The following A2ML1 variants were observed in gnomAD, a reference collection of about 807,000 sequenced individuals.
A2ML1 encodes the protein alpha-2-macroglobulin-like protein 1.
A neutral mutation model predicts 181.9 loss-of-function variants in A2ML1; 161 were observed. The ratio of observed to expected loss-of-function variants is 0.89; its 90% CI spans 0.78 to 1.01. A2ML1 has a LOEUF of 1.01. A2ML1 is among the 50% of genes least tolerant of loss of function. The pLI is 0.00. For missense variants in A2ML1, 1,670 were observed against 1,768.1 expected, an observed-to-expected ratio of 0.94 and a Z score of 1.00; for synonymous variants, 663 against 666.8, an observed-to-expected ratio of 0.99 and a Z score of 0.09.
chr12:8,861,140 A>C lies in A2ML1; in HGVS notation c.3345A>C (p.Pro1115=). ...LLEMGKDVDD[P]MVSQGLRCLK... ...TCTTCATCTTCACTTTTTAGGACCC[A>C]ATGGTGAGTCAGGGTCTACGGTGTC... The change falls in exon 28 of 36, where the codon CCA becomes CCC. Residue 1115 remains proline (P), a synonymous_variant. Coordinates refer to ENST00000299698, the MANE Select transcript of A2ML1 (RefSeq NM_144670.6). 1 of 1,614,188 alleles carries C rather than the reference A, an allele frequency of 6.2e-7. No individual in the cohort carries two copies.
At chr12:8,823,117 A>G (rs1942797903) in intron 1 of A2ML1, 65 bp from the exon 2 acceptor site, 2 of 1,503,620 alleles carry the variant, frequency 1.3e-6, no homozygotes, top group African/African-American at 1.4e-5. Flanking sequence ...AGCGCTTAGG[A>G]GAGTGCTGGA....
intron 7 of A2ML1, among the ~76,000 whole-genome samples, chr12:8,885,752 C>A (rs910505215): frequency 6.6e-6 from 1 of 152,190 alleles, no homozygotes; most frequent in Non-Finnish European, 1.5e-5. Context: ...GCGTGAGCCA[C>A]TGCACCCAGC....
Position 8,855,632 on chromosome 12 carries a change from G to T in A2ML1, c.2848+40G>T, listed in dbSNP as rs79250113. 1.8e-3 allele frequency: 2,924 copies of T among 1,601,702 alleles called. 49 individuals are homozygous for T. The African/African-American group carries it at 0.034, about 18-fold the overall frequency. On this transcript the variant is annotated intron_variant, in intron 23 of 35. Coordinates refer to ENST00000299698, the MANE Select transcript of A2ML1 (RefSeq NM_144670.6). ...ATTCTTGACTCAGAAAGGAAAAGGCGAATGGAGGCTGCAAAGGTGTGGAGT... is the reference window on the plus strand; with the variant it reads ...ATTCTTGACTCAGAAAGGAAAAGGCTAATGGAGGCTGCAAAGGTGTGGAGT...
chr12:8,859,148 G>C (rs1209530690), intron 26 of A2ML1, among the ~76,000 whole-genome samples: 1 of 151,804 alleles, frequency 6.6e-6, no homozygotes, highest in African/African-American at 2.4e-5. Context: ...GTCTGTACCT[G>C]TCCCAAGCAG....
At chr12:8,845,078 A>T in intron 12 of A2ML1, 1 of 1,438,152 alleles carries the variant, frequency 7.0e-7, no homozygotes, top group Non-Finnish European at 9.1e-7. Flanking sequence ...TAATTAAAAA[A>T]CACTTATGAG....
rs1486293580 is a variant in A2ML1, at chr12:8,876,289, G to C, written c.*233G>C. 1 of 152,296 alleles carries C rather than the reference G, an allele frequency of 6.6e-6. No homozygotes were observed. Among genetic ancestry groups the C allele is most frequent in the African/African-American group, 2.4e-5 (1 of 41,448 alleles). 9.4% of individuals were successfully genotyped at this position (152,296 alleles called of 1,614,324 possible). A position where few individuals can be genotyped will look rare whatever the true frequency, so the allele number is the denominator to read the frequency against. On this transcript the variant is annotated 3_prime_UTR_variant, in exon 36 of 36. Transcript: ENST00000299698. ...GGCGTTGCATGGGCAGGGTCATAGG[G>C]GGAAGAAAGGTGGTTTAGCTGTTTT...
rs35410077 is a variant in A2ML1, at chr12:8,872,187, G to GA, written c.4222-2223dup. On this transcript the variant is annotated intron_variant, in intron 33 of 35. Coordinates refer to ENST00000299698, the MANE Select transcript of A2ML1 (RefSeq NM_144670.6). ...GTGCAAGACTCCATCTCAGAAAAAAGAAAAAAAAAAAAAAACTGCTACCCC... is the reference window on the plus strand; with the variant it reads ...GTGCAAGACTCCATCTCAGAAAAAAGAAAAAAAAAAAAAAAACTGCTACCCC... Among the ~76,000 whole-genome samples, 751 of 128,462 alleles carry GA rather than the reference G, an allele frequency of 5.8e-3. 3 individuals carry two copies. Among genetic ancestry groups the GA allele is most frequent in the African/African-American group, 0.014 (484 of 35,212 alleles). 84.3% of individuals were successfully genotyped at this position (128,462 alleles called of 152,430 possible). A position where few individuals can be genotyped will look rare whatever the true frequency, so the allele number is the denominator to read the frequency against.
rs913286724 is a variant in A2ML1, at chr12:8,876,643, A to G, written c.*587A>G. On this transcript the variant is annotated 3_prime_UTR_variant, in exon 36 of 36. Transcript: ENST00000299698. ...AGCTGAGATTGTGCCACTGCACTCC[A>G]GCCTGGGCAATGAGGCAAGACCCTG... 2 of 152,204 alleles carry G rather than the reference A, an allele frequency of 1.3e-5. No individual in the cohort carries two copies. The highest frequency in any genetic ancestry group is 1.3e-4 in the Admixed American group (2 of 15,260). 9.4% of individuals were successfully genotyped at this position (152,204 alleles called of 1,614,324 possible).
intron 7 of A2ML1, 150 bp from the exon 8 acceptor site, chr12:8,837,290 G>A (rs765856387): frequency 8.0e-6 from 8 of 999,706 alleles, no homozygotes; most frequent in Non-Finnish European, 1.2e-5. Context: ...AAAGTGCTGG[G>A]ATTACAGGCG....
At chr12:8,861,521 T>A (rs1411900840) in intron 28 of A2ML1, among the ~76,000 whole-genome samples, 1 of 152,180 alleles carries the variant, frequency 6.6e-6, no homozygotes, top group African/African-American at 2.4e-5. Context: ...GGAGTCTTGC[T>A]CTGTTGCCCA....
intron 4 of A2ML1, among the ~76,000 whole-genome samples, chr12:8,833,896 G>T (rs1036585770): frequency 3.9e-5 from 6 of 152,018 alleles, no homozygotes; most frequent in Non-Finnish European, 8.8e-5. Context: ...TGTATTTAGT[G>T]GTTCAGCTTC....
intron 7 of A2ML1, among the ~76,000 whole-genome samples, chr12:8,836,815 T>G (rs1003750925): frequency 2.0e-5 from 3 of 152,038 alleles, no homozygotes; most frequent in Admixed American, 1.3e-4. Flanking sequence ...TTTCTGCTGT[T>G]TTTTTCCATT....
At chr12:8,865,399 C>G (rs899872844) in intron 29 of A2ML1, among the ~76,000 whole-genome samples, 1 of 151,970 alleles carries the variant, frequency 6.6e-6, no homozygotes, top group African/African-American at 2.4e-5. Context: ...ATTAGCCAGG[C>G]GTGGTGGCGG....
In A2ML1 at chr12:8,863,667, AT is replaced by A. The variant is rs140207305; in HGVS notation, c.3503-119del. The A allele has an allele frequency of 6.6e-3, 5,777 of 871,274 alleles. 216 individuals carry two copies. The African/African-American group carries it at 0.083, about 12-fold the overall frequency. The allele number at this position is 871,274 out of a possible 1,614,324, so 54.0% of individuals were successfully genotyped here. On this transcript the variant is annotated intron_variant, in intron 28 of 35. Coordinates refer to ENST00000299698, the MANE Select transcript of A2ML1 (RefSeq NM_144670.6). Reference sequence around the variant, plus strand: ...TCAATTAATCAGCTAAATCTAAGAAATTTTTTTTCTACTCTGTTTAATTCTC... The same window carrying A: ...TCAATTAATCAGCTAAATCTAAGAAATTTTTTTCTACTCTGTTTAATTCTC...
chr12:8,881,876 T>A (rs1025253668), intron 7 of A2ML1, among the ~76,000 whole-genome samples: 3 of 151,676 alleles, frequency 2.0e-5, no homozygotes, highest in Non-Finnish European at 4.4e-5. Context: ...CTGGGTGTGG[T>A]GGTGGGTGCC....
chr12:8,838,560 G>A, intron 9 of A2ML1, 110 bp downstream of exon 9: 1 of 715,716 alleles, frequency 1.4e-6, no homozygotes, highest in Middle Eastern at 2.7e-4. Flanking sequence ...TGTTTGGATG[G>A]TACCTTGTTC....
At chr12:8,845,021 G>C (rs1565474756) in intron 12 of A2ML1, 11 of 1,429,778 alleles carry the variant, frequency 7.7e-6, no homozygotes, top group Non-Finnish European at 1.0e-5. Context: ...GAAGGGCTCA[G>C]GGTGGTTTAG....
At position 8,850,178 on chromosome 12, in the gene A2ML1, A is replaced by G; in HGVS notation, c.2138A>G (p.Glu713Gly). ...TCATCAGCAGGCGGTGGTCATCCAG[A>G]GGCTTTTGAGTCATCAACTCCTTTA... ...TAMGAGGGHP[E>G]AFESSTPLHQ... Residue 713 changes from glutamate to glycine, a missense_variant, in exon 18 of 36, where the codon GAG becomes GGG. By Grantham distance (98) the Glu-to-Gly change is moderately conservative. Transcript: ENST00000299698. 1 of 1,609,886 alleles carries G rather than the reference A, an allele frequency of 6.2e-7. No individual in the cohort carries two copies. Among genetic ancestry groups the G allele is most frequent in the Non-Finnish European group, 8.5e-7 (1 of 1,178,870 alleles).
chr12:8,834,224 A>C (rs1232528370), intron 4 of A2ML1, among the ~76,000 whole-genome samples: 1 of 152,198 alleles, frequency 6.6e-6, no homozygotes, highest in Non-Finnish European at 1.5e-5. Flanking sequence ...GCAATGCTTG[A>C]AAGTAAGCTT....
Sources: allele counts gnomAD v4.1 joint callset (sites outside exome capture counted in the v4.1 genomes callset), GRCh38; gene constraint gnomAD v4.1.1; transcripts MANE v1.5; gene names NCBI Gene and HGNC (gene_info 2026-07-23, HGNC 2026-07-21).